The following PLXNB1 variants were observed in gnomAD, a reference collection of about 807,000 sequenced individuals.
PLXNB1 encodes the protein plexin-B1.
A neutral mutation model predicts 209.4 loss-of-function variants in PLXNB1; 106 were observed. The ratio of observed to expected loss-of-function variants is 0.51; its 90% CI spans 0.43 to 0.59. The LOEUF is 0.59. Among genes scored for constraint, PLXNB1 ranks in the 20% least tolerant of loss-of-function variants. The probability of loss-of-function intolerance (pLI) is 0.00; values close to 1 mark genes in which losing one functional copy is unlikely to be tolerated. For synonymous variants in PLXNB1, 1,167 were observed against 1,183.2 expected, an observed-to-expected ratio of 0.99 and a Z score of 0.28; for missense variants, 2,357 against 2,853.2, an observed-to-expected ratio of 0.83 and a Z score of 3.96.
At chr3:48,407,169 G>T in intron 34 of PLXNB1, 78 bp from the exon 35 acceptor site, 1 of 1,336,546 alleles carries the variant, frequency 7.5e-7, no homozygotes, top group Non-Finnish European at 1.1e-6. Context: ...AGTGTCCTGG[G>T]TTTCCCAGTA....
rs2039052529 is a variant in PLXNB1, at chr3:48,429,105, T to C, written c.-60+903A>G. On this transcript the variant is annotated intron_variant, in intron 1 of 37. Transcript: ENST00000296440. This position sits in a 1 kb window ranked among gnomAD's most constrained non-coding sequence, Gnocchi z 6.4. ...CAGGCGGAGTCGCCAGAGTTTCCCT[T>C]CGCGCGGAGAAGTGTGGTCCCAACT... The C allele has an allele frequency of 6.6e-6, 1 of 152,118 alleles. No individual in the cohort carries two copies. Among genetic ancestry groups the C allele is most frequent in the Non-Finnish European group, 1.5e-5 (1 of 68,024 alleles). 9.4% of individuals were successfully genotyped at this position (152,118 alleles called of 1,614,324 possible).
rs1220478821 is a variant in PLXNB1 at position 48,423,872 on chromosome 3, T to C, written c.740A>G (p.Tyr247Cys). Reference sequence around the variant, plus strand: ...GTCCCGGAGACACACTCGAGATACATAGGCACGAAAAGCTCTAGACTGAGC... The same window carrying C: ...GTCCCGGAGACACACTCGAGATACACAGGCACGAAAAGCTCTAGACTGAGC... ...LQAQSRAFRA[Y>C]VSRVCLRDQH... The change falls in exon 3 of 38, where the codon TAT becomes TGT. Residue 247 changes from tyrosine to cysteine, a missense_variant. Physicochemically the swap from Tyr to Cys is radical, Grantham distance 194. Coordinates refer to ENST00000296440, the MANE Select transcript of PLXNB1 (RefSeq NM_001130082.3). 3 of 1,613,878 alleles carry C rather than the reference T, an allele frequency of 1.9e-6. No homozygotes were observed. The highest frequency in any genetic ancestry group is 1.1e-5 in the South Asian group (1 of 91,068).
rs747692905 is a variant in PLXNB1 at position 48,412,195 on chromosome 3, GA to G, written c.5100+42del. The G allele has an allele frequency of 1.9e-6, 3 of 1,598,366 alleles. No individual in the cohort carries two copies. In the South Asian group the frequency reaches 3.3e-5, roughly 18 times the overall value. On this transcript the variant is annotated intron_variant, in intron 27 of 37. Coordinates refer to ENST00000296440, the MANE Select transcript of PLXNB1 (RefSeq NM_001130082.3). The stretch of plus-strand genomic sequence containing the variant: ...GAGGGCTTAGAAGTTTGGAGGGCCT[GA>G]CCCTCCCTGGACAGGAGCCCTGTCC...
rs371690817 is a variant in PLXNB1 at position 48,420,851 on chromosome 3, G to A, written c.1916C>T (p.Ala639Val). Residue 639 changes from alanine to valine, a missense_variant, in exon 9 of 38, where the codon GCG becomes GTG. Around this residue, in one of 7 missense-constraint regions of PLXNB1, gnomAD observed 214 missense variants for 297.1 expected, o/e 0.72. Transcript: ENST00000296440. ...GGGGACAGGGCGAGGAACTCACTGC[G>A]CAGATGGGCGGAGTTCAGTGACCGC... ...CVAVTELRPS[A>V]QCQACVSSRW... is the part of the protein sequence containing the mutation. 80 of 1,613,262 alleles carry A rather than the reference G, an allele frequency of 5.0e-5. No individual in the cohort carries two copies. In the African/African-American group the frequency reaches 6.8e-4, roughly 14 times the overall value.
Position 48,418,535 on chromosome 3 carries a change from T to A in PLXNB1, c.2963A>T (p.Tyr988Phe). ...ACGGAGCTCCGGCTGCAGAGCCTCA[T>A]AGCTGAGCTGGAGAAATGGGAGTGG... ...HVTCQQHQLS[Y>F]EALQPELRVG... The change falls in exon 14 of 38, where the codon TAT (tyrosine) becomes TTT (phenylalanine). Residue 988 changes from tyrosine to phenylalanine, a missense_variant. Transcript: ENST00000296440. The surrounding 1 kb of genome is among the most constrained non-coding windows in gnomAD (Gnocchi z 6.6). 1 of 1,598,188 alleles carries A rather than the reference T, an allele frequency of 6.3e-7. No individual in the cohort carries two copies. Among genetic ancestry groups the A allele is most frequent in the Non-Finnish European group, 8.5e-7 (1 of 1,173,086 alleles).
chr3:48,428,638 C>T (rs1299164493), intron 1 of PLXNB1, among the ~76,000 whole-genome samples: 7 of 152,216 alleles, frequency 4.6e-5, no homozygotes, highest in Non-Finnish European at 7.4e-5. Flanking sequence ...GCTCAGCTCC[C>T]AGGGTTCACT....
At chr3:48,420,806 C>T (rs1196436038) in intron 9 of PLXNB1, 33 bp from the exon 10 acceptor site, 2 of 1,612,514 alleles carry the variant, frequency 1.2e-6, no homozygotes, top group Middle Eastern at 1.7e-4. Context: ...GCAAGGGTCG[C>T]CACAGGGAAG....
Position 48,412,897 on chromosome 3 carries a change from C to A in PLXNB1, c.4699G>T (p.Asp1567Tyr). The stretch of plus-strand genomic sequence containing the variant: ...ATCCTCTCCGCATACACCTTGTAGT[C>A]GAGGAAGGGGATGCCGCTGCCCAGG... ...DLLGSGIPFLDYKVYAERIFF... is the reference protein window; with the variant it reads ...DLLGSGIPFLYYKVYAERIFF... The change falls in exon 25 of 38, where the codon GAC (aspartate) becomes TAC (tyrosine). Residue 1567 changes from aspartate (D) to tyrosine (Y), a missense_variant. Physicochemically the swap from Asp to Tyr is radical, Grantham distance 160 (BLOSUM62 -3). Transcript: ENST00000296440. 1 of 1,614,030 alleles carries A rather than the reference C, an allele frequency of 6.2e-7. No homozygotes were observed. The highest frequency in any genetic ancestry group is 1.6e-4 in the Middle Eastern group (1 of 6,062).
chr3:48,428,650 C>T (rs2039018801), intron 1 of PLXNB1, among the ~76,000 whole-genome samples: 1 of 152,198 alleles, frequency 6.6e-6, no homozygotes, highest in Non-Finnish European at 1.5e-5. Flanking sequence ...GGGTTCACTA[C>T]AGAGGTGAGT....
rs996245651 is a variant in PLXNB1 at position 48,413,720 on chromosome 3, C to T, written c.4485G>A (p.Val1495=). The T allele has an allele frequency of 6.2e-7, 1 of 1,613,640 alleles. No individual in the cohort carries two copies. The highest frequency in any genetic ancestry group is 1.1e-5 in the South Asian group (1 of 91,068). ...FPVAAQVGLG[V]GTSLLALGVI... ...CACCCAGAGCCAGAAGAGAGGTGCC[C>T]ACCCCCAAGCCCACCTGGGCTGCCA... The change falls in exon 23 of 38, where the codon GTG becomes GTA. Residue 1495 remains valine (V), a synonymous_variant. Coordinates refer to ENST00000296440, the MANE Select transcript of PLXNB1 (RefSeq NM_001130082.3). The surrounding 1 kb of genome is among the most constrained non-coding windows in gnomAD (Gnocchi z 5.4).
chr3:48,410,970 G>T lies in PLXNB1; in HGVS notation c.5314C>A (p.Leu1772Ile). ...GEAQGVPVKVLDCDTISQAKE... is the reference protein window; with the variant it reads ...GEAQGVPVKVIDCDTISQAKE... ...GCCTGGGAGATGGTGTCACAGTCTA[G>T]GACCTTCACGGGCACGCCCTGGGCC... The change falls in exon 29 of 38, where the codon CTA (leucine) becomes ATA (isoleucine). Residue 1772 changes from leucine (L) to isoleucine (I), a missense_variant. By Grantham distance (5) the Leu-to-Ile change is conservative. Transcript: ENST00000296440. This position sits in a 1 kb window ranked among gnomAD's most constrained non-coding sequence, Gnocchi z 6.4. 1 of 1,613,880 alleles carries T rather than the reference G, an allele frequency of 6.2e-7. No homozygotes were observed. Among genetic ancestry groups the T allele is most frequent in the Non-Finnish European group, 8.5e-7 (1 of 1,179,938 alleles).
chr3:48,413,040 G>A lies in PLXNB1; in HGVS notation c.4636+29C>T. ...GGGAGTGGGTTTGGGCAGAGTTCTG[G>A]AGGGCGGGGCCCATTCTCTCAGCCA... On this transcript the variant is annotated intron_variant, in intron 24 of 37. Coordinates refer to ENST00000296440, the MANE Select transcript of PLXNB1 (RefSeq NM_001130082.3). The surrounding 1 kb of genome is among the most constrained non-coding windows in gnomAD (Gnocchi z 5.4). The A allele has an allele frequency of 6.2e-7, 1 of 1,608,902 alleles. No homozygotes were observed. Among genetic ancestry groups the A allele is most frequent in the Non-Finnish European group, 8.5e-7 (1 of 1,175,324 alleles).
In PLXNB1 at chr3:48,413,884, T is replaced by C. The variant is rs200726972; in HGVS notation, c.4386+11A>G. On this transcript the variant is annotated intron_variant, in intron 22 of 37. Coordinates refer to ENST00000296440, the MANE Select transcript of PLXNB1 (RefSeq NM_001130082.3). This position sits in a 1 kb window ranked among gnomAD's most constrained non-coding sequence, Gnocchi z 5.4. Reference sequence around the variant, plus strand: ...TCAATGCCCAGCCCGGCCAGGGACCTGCCCACTGACCGTGAACTCAGGCAA... The same window carrying C: ...TCAATGCCCAGCCCGGCCAGGGACCCGCCCACTGACCGTGAACTCAGGCAA... The C allele has an allele frequency of 1.9e-6, 3 of 1,606,882 alleles. No individual in the cohort carries two copies. The highest frequency in any genetic ancestry group is 2.6e-6 in the Non-Finnish European group (3 of 1,175,016).
Position 48,419,763 on chromosome 3 carries a change from C to T in PLXNB1, c.2523G>A (p.Trp841Ter), listed in dbSNP as rs1203179745. The change falls in exon 11 of 38, where the codon TGG (tryptophan) becomes TGA (stop). Residue 841 changes from tryptophan (W) to a stop codon, truncating the protein, a stop_gained. Coordinates refer to ENST00000296440, the MANE Select transcript of PLXNB1 (RefSeq NM_001130082.3). LOFTEE classifies it high-confidence loss of function. The surrounding 1 kb of genome is among the most constrained non-coding windows in gnomAD (Gnocchi z 5.7). ...GCAGCTCGCCGCCTTCTCTCGTGAG[C>T]CAGTCCAGGGCGGGCTTCACGGAGC... The part of the protein sequence containing the change: ...AMGSVKPALD[W>*]LTREGGELPE... 1 of 1,608,128 alleles carries T rather than the reference C, an allele frequency of 6.2e-7. No individual in the cohort carries two copies. Among genetic ancestry groups the T allele is most frequent in the Admixed American group, 1.7e-5 (1 of 59,304 alleles).
rs749395891 is a variant in PLXNB1, at chr3:48,422,212, C to T, written c.1420-7G>A. 1 of 1,613,624 alleles carries T rather than the reference C, an allele frequency of 6.2e-7. No individual in the cohort carries two copies. The highest frequency in any genetic ancestry group is 8.5e-7 in the Non-Finnish European group (1 of 1,179,658). On this transcript the variant is annotated splice_region_variant and splice_polypyrimidine_tract_variant and intron_variant, in intron 5 of 37. Coordinates refer to ENST00000296440, the MANE Select transcript of PLXNB1 (RefSeq NM_001130082.3). ...CCACAGGAACCTTCAGAAGCTGAGA[C>T]AGCAAAGAGGACCTGAGGCCAGCAA...
At chr3:48,427,272 A>G (rs2038942682) in intron 1 of PLXNB1, among the ~76,000 whole-genome samples, 1 of 151,984 alleles carries the variant, frequency 6.6e-6, no homozygotes, top group Admixed American at 6.6e-5. Context: ...GCCACTGAGG[A>G]GGTCGGCCGC....
In PLXNB1 at chr3:48,413,373, G is replaced by A; in HGVS notation, c.4536-204C>T. 3 of 607,906 alleles carry A rather than the reference G, an allele frequency of 4.9e-6. 1 individual carries two copies. The South Asian group carries it at 5.9e-5, about 12-fold the overall frequency. 37.7% of individuals were successfully genotyped at this position (607,906 alleles called of 1,614,324 possible). A position where few individuals can be genotyped will look rare whatever the true frequency, so the allele number is the denominator to read the frequency against. On this transcript the variant is annotated intron_variant, in intron 23 of 37. Transcript: ENST00000296440. This position sits in a 1 kb window ranked among gnomAD's most constrained non-coding sequence, Gnocchi z 5.4. Reference sequence around the variant, plus strand: ...CCCATGCCCCGTCTAGCCCAGCACAGTTTAGCCTAGAGATCAGCCAACCAC... The same window carrying A: ...CCCATGCCCCGTCTAGCCCAGCACAATTTAGCCTAGAGATCAGCCAACCAC...
intron 21 of PLXNB1, 101 bp downstream of exon 21, chr3:48,414,698 G>T: frequency 7.1e-7 from 1 of 1,404,882 alleles, no homozygotes; most frequent in Non-Finnish European, 9.7e-7. Flanking sequence ...TCCATCCACC[G>T]GCCCTTGCTC....
In PLXNB1 at chr3:48,409,654, C is replaced by A. The variant is rs2037535294; in HGVS notation, c.5856G>T (p.Lys1952Asn). The A allele has an allele frequency of 6.2e-7, 1 of 1,614,034 alleles. No homozygotes were observed. Among genetic ancestry groups the A allele is most frequent in the Non-Finnish European group, 8.5e-7 (1 of 1,180,014 alleles). Residue 1952 changes from lysine to asparagine, a missense_variant, in exon 33 of 38, where the codon AAG becomes AAT. Around this residue, in one of 7 missense-constraint regions of PLXNB1, gnomAD observed 414 missense variants for 520.5 expected, o/e 0.80. Transcript: ENST00000296440. This position sits in a 1 kb window ranked among gnomAD's most constrained non-coding sequence, Gnocchi z 5.8. Reference sequence around the variant, plus strand: ...GCTCATCCAGCAGGTCAAAGAAGTACTTCACAGCGAGCGGCACGGGGCGGC... The same window carrying A: ...GCTCATCCAGCAGGTCAAAGAAGTAATTCACAGCGAGCGGCACGGGGCGGC... The part of the protein sequence containing the change: ...STSRPVPLAV[K>N]YFFDLLDEQA...
Sources: gnomAD v4.1 joint callset for allele counts (sites outside exome capture counted in the v4.1 genomes callset) on GRCh38, gnomAD v4.1.1 for gene constraint, gnomAD v4.1.1 regional missense constraint, Gnocchi (gnomAD v3.1) non-coding constraint, MANE v1.5 for transcripts, NCBI Gene and HGNC (gene_info 2026-07-23, HGNC 2026-07-21) for gene names.